PKD1: variants seen among roughly 807,000 people sequenced by gnomAD.
The protein encoded by PKD1 is polycystin 1, transient receptor potential channel interacting, also known as polycystin-1.
A neutral mutation model predicts 361.7 loss-of-function variants in PKD1; 81 were observed. That is an observed-to-expected ratio of 0.22 (90% CI 0.19 to 0.27). PKD1 has a LOEUF of 0.27. PKD1 is among the 10% of genes least tolerant of loss of function. PKD1 has a pLI of 1.00. For missense variants in PKD1, 6,399 were observed against 6,118.3 expected (o/e 1.05, Z -1.53); for synonymous variants, 3,615 against 2,818.3 (o/e 1.28, Z -8.95).
rs768613812 is a variant in PKD1 at position 2,116,608 on chromosome 16, G to A, written c.1643C>T (p.Ala548Val). The A allele has an allele frequency of 2.7e-5, 42 of 1,560,522 alleles. No individual in the cohort carries two copies. Among genetic ancestry groups the A allele is most frequent in the Non-Finnish European group, 3.3e-5 (38 of 1,157,374 alleles). The change falls in exon 8 of 46, where the codon GCG becomes GTG. Residue 548 changes from alanine (A) to valine (V), a missense_variant. Physicochemically the swap from Ala to Val is moderately conservative, Grantham distance 64. Coordinates refer to ENST00000262304, the MANE Select transcript of PKD1 (RefSeq NM_001009944.3). ...GGGTCCCTGCAGGTCCCCACTGGGC[G>A]CTCCCACGAGGAGGTTCTCGGCATC... ...VQDAENLLVG[A>V]PSGDLQGPLT...
At chr16:2,107,827 T>A in intron 16 of PKD1, 56 bp downstream of exon 16, 1 of 1,512,354 alleles carries the variant, frequency 6.6e-7, no homozygotes, top group Non-Finnish European at 8.9e-7. Flanking sequence ...AAACAGTAGA[T>A]GACCAGGGAG....
At position 2,091,912 on chromosome 16, in the gene PKD1, G is replaced by GGA; in HGVS notation, c.11412-8_11412-7dup. 6.2e-7 allele frequency: 1 copy of GGA among 1,611,582 alleles called. No individual in the cohort carries two copies. The highest frequency in any genetic ancestry group is 8.5e-7 in the Non-Finnish European group (1 of 1,179,612). On this transcript the variant is annotated splice_region_variant and splice_polypyrimidine_tract_variant and intron_variant, in intron 40 of 45. Transcript: ENST00000262304. ...AGGAGCCCCAGGACCATGCCCTGCC[G>GGA]GAGAGGGGTGGCGTGGGTGCCGCAC...
rs745543524 is a variant in PKD1 at position 2,113,306 on chromosome 16, G to A, written c.2854-14C>T. On this transcript the variant is annotated splice_polypyrimidine_tract_variant and intron_variant, in intron 11 of 45. Transcript: ENST00000262304. ...GGGGCTGTACCTCTGCGGGGGGAATGGTGTCAGCCTGGGCTCTGTGGAGGA... is the reference window on the plus strand; with the variant it reads ...GGGGCTGTACCTCTGCGGGGGGAATAGTGTCAGCCTGGGCTCTGTGGAGGA... The A allele has an allele frequency of 6.3e-6, 10 of 1,595,532 alleles. No homozygotes were observed. Among genetic ancestry groups the A allele is most frequent in the East Asian group, 2.2e-5 (1 of 44,860 alleles).
At chr16:2,097,805 T>A (rs1315237561) in intron 31 of PKD1, 25 bp from the exon 32 acceptor site, 3 of 1,611,246 alleles carry the variant, frequency 1.9e-6, no homozygotes, top group Non-Finnish European at 2.5e-6. Flanking sequence ...GTGTCTTGAG[T>A]CCAAGCTGCG....
At chr16:2,135,003 T>A (rs2092933669) in intron 1 of PKD1, 1 of 572,682 alleles carries the variant, frequency 1.7e-6, no homozygotes, top group Non-Finnish European at 2.2e-6. Flanking sequence ...GCTCACACCG[T>A]TCACCCCCCT....
At chr16:2,129,167 T>G (rs960601368) in intron 1 of PKD1, among the ~76,000 whole-genome samples, 68 of 151,118 alleles carry the variant, frequency 4.5e-4, no homozygotes, top group African/African-American at 1.3e-3. Flanking sequence ...ACCCTGTTTT[T>G]TTTTTTTTTT....
chr16:2,105,034 G>GC (rs2092287974), intron 21 of PKD1, among the ~76,000 whole-genome samples: 1 of 123,144 alleles, frequency 8.1e-6, no homozygotes, highest in East Asian at 2.5e-4. Context: ...GAGGGAAGGG[G>GC]GAGGGGAGGG....
chr16:2,106,343 T>C lies in PKD1; in HGVS notation c.7490-39A>G. On this transcript the variant is annotated intron_variant, in intron 18 of 45. Transcript: ENST00000262304. This position sits in a 1 kb window ranked among gnomAD's most constrained non-coding sequence, Gnocchi z 6.5. ...CCCACGGCATCACGGGAGGGCTCCG[T>C]GACGTCACAGAGTCGGGGGATCCCG... 1 of 1,605,312 alleles carries C rather than the reference T, an allele frequency of 6.2e-7. No homozygotes were observed. The highest frequency in any genetic ancestry group is 8.5e-7 in the Non-Finnish European group (1 of 1,176,574).
In PKD1 at chr16:2,105,979, C is replaced by A. The variant is rs780677280; in HGVS notation, c.7749G>T (p.Gly2583=). 3.7e-5 allele frequency: 60 copies of A among 1,602,168 alleles called. No homozygotes were observed. The highest frequency in any genetic ancestry group is 4.9e-5 in the Non-Finnish European group (58 of 1,179,662). ...TGAGCCCGTGCAGCCAGACTGTGAG[C>A]CCCGTTGCGCTGCCGTTGGGCTCTG... The part of the protein sequence containing the change: ...TLPEPNGSAT[G]LTVWLHGLTA... Residue 2583 remains glycine, a synonymous_variant, in exon 20 of 46, where the codon GGG becomes GGT. Transcript: ENST00000262304.
At position 2,107,681 on chromosome 16, in the gene PKD1, T is replaced by G; in HGVS notation, c.7065+202A>C. ...GTAGCTTTTGCCACTAGAGCATATG[T>G]GGCTTGAAGACTGTACGTGGAACTG... On this transcript the variant is annotated intron_variant, in intron 16 of 45. Transcript: ENST00000262304. 4.7e-6 allele frequency: 3 copies of G among 641,414 alleles called. No homozygotes were observed. The South Asian group carries it at 5.3e-5, about 11-fold the overall frequency. The allele number at this position is 641,414 out of a possible 1,614,324, so 39.7% of individuals were successfully genotyped here. A position where few individuals can be genotyped will look rare whatever the true frequency, so the allele number is the denominator to read the frequency against.
chr16:2,097,815 G>A lies in PKD1; in HGVS notation c.10168-35C>T, dbSNP rs371859150. The A allele has an allele frequency of 7.4e-6, 12 of 1,611,140 alleles. 1 individual carries two copies. The highest frequency in any genetic ancestry group is 4.5e-5 in the East Asian group (2 of 44,882). ...GCACAGTGTCTTGAGTCCAAGCTGC[G>A]CCAAGGCGGCAGGACCCCCAGCCCA... is the stretch of plus-strand genomic sequence containing the variant. On this transcript the variant is annotated intron_variant, in intron 31 of 45. Transcript: ENST00000262304.
intron 16 of PKD1, chr16:2,107,609 G>A (rs1172774359): frequency 3.7e-6 from 2 of 544,550 alleles, no homozygotes; most frequent in Non-Finnish European, 6.7e-6. Context: ...GCTACCTCTG[G>A]GGTGGGAAGG....
chr16:2,106,660 C>A lies in PKD1; in HGVS notation c.7227G>T (p.Thr2409=). The A allele has an allele frequency of 8.1e-6, 13 of 1,596,688 alleles. No individual in the cohort carries two copies. The highest frequency in any genetic ancestry group is 1.1e-5 in the Non-Finnish European group (13 of 1,178,926). ...GSKRGRWAAR[T]FSNKTLVLDE... ...CCAGCACCAGCGTCTTGTTGCTGAACGTACGTGCAGCCCACCGCTGCAGGC... is the reference window on the plus strand; with the variant it reads ...CCAGCACCAGCGTCTTGTTGCTGAAAGTACGTGCAGCCCACCGCTGCAGGC... The change falls in exon 18 of 46, where the codon ACG becomes ACT. Residue 2409 remains threonine, a synonymous_variant. Coordinates refer to ENST00000262304, the MANE Select transcript of PKD1 (RefSeq NM_001009944.3). The surrounding 1 kb of genome is among the most constrained non-coding windows in gnomAD (Gnocchi z 6.5).
In PKD1 at chr16:2,108,044, G is replaced by A. The variant is rs764365368; in HGVS notation, c.6916-12C>T. On this transcript the variant is annotated splice_polypyrimidine_tract_variant and intron_variant, in intron 15 of 45. Coordinates refer to ENST00000262304, the MANE Select transcript of PKD1 (RefSeq NM_001009944.3). ...CCGCCAGCCTCCCTCTGCAGGCCGAGAACAAGGGGCGACGTGGCCTGAGAG... is the reference window on the plus strand; with the variant it reads ...CCGCCAGCCTCCCTCTGCAGGCCGAAAACAAGGGGCGACGTGGCCTGAGAG... The A allele has an allele frequency of 6.4e-7, 1 of 1,566,272 alleles. No homozygotes were observed.
intron 26 of PKD1, among the ~76,000 whole-genome samples, chr16:2,101,756 C>T (rs769213822): frequency 7.2e-5 from 11 of 152,268 alleles, no homozygotes; most frequent in Non-Finnish European, 1.3e-4. Flanking sequence ...GTCAGGATCG[C>T]GGGTGGATGC....
At chr16:2,105,799 G>C (rs1886251854) in intron 20 of PKD1, 66 bp downstream of exon 20, 4 of 1,505,416 alleles carry the variant, frequency 2.7e-6, no homozygotes, top group Non-Finnish European at 3.6e-6. Context: ...CTCCAGGCAG[G>C]GGTACAGGTC....
chr16:2,090,969 C>G lies in PKD1; in HGVS notation c.11918G>C (p.Arg3973Pro). Reference sequence around the variant, plus strand: ...CGCCACCTGGTCGAAGCTAGTGAAGCGGCGCGGGCGGCCGCGCACGAAACG... The same window carrying G: ...CGCCACCTGGTCGAAGCTAGTGAAGGGGCGCGGGCGGCCGCGCACGAAACG... ...WTRFVRGRPR[R>P]FTSFDQVAQL... Residue 3973 changes from arginine to proline, a missense_variant, in exon 43 of 46, where the codon CGC (arginine) becomes CCC (proline). Coordinates refer to ENST00000262304, the MANE Select transcript of PKD1 (RefSeq NM_001009944.3). The G allele has an allele frequency of 2.6e-6, 4 of 1,542,922 alleles. No individual in the cohort carries two copies. Among genetic ancestry groups the G allele is most frequent in the Non-Finnish European group, 3.5e-6 (4 of 1,150,446 alleles).
At position 2,090,511 on chromosome 16, in the gene PKD1, G is replaced by A. The variant is rs150724260; in HGVS notation, c.12218C>T (p.Thr4073Ile). 46 of 1,611,192 alleles carry A rather than the reference G, an allele frequency of 2.9e-5. No individual in the cohort carries two copies. The highest frequency in any genetic ancestry group is 8.8e-5 in the South Asian group (8 of 90,996). ...LVLCPGTGLS[T>I]LCPAESWHLS... is the part of the protein sequence containing the mutation. ...GTGCCAGGACTCGGCAGGACACAGG[G>A]TAGAGAGCCCAGTCCCAGGGCACAG... The change falls in exon 45 of 46, where the codon ACC becomes ATC. Residue 4073 changes from threonine to isoleucine, a missense_variant. By Grantham distance (89) the Thr-to-Ile change is moderately conservative. Transcript: ENST00000262304.
chr16:2,092,108 C>G lies in PKD1; in HGVS notation c.11350G>C (p.Gly3784Arg). ...GAGCCATTGTGAGGACTCTCCCAGC[C>G]AACGTCGTAATCGCTGGTGCTGAAG... ...GGFSTSDYDVGWESPHNGSGT... is the reference protein window; with the variant it reads ...GGFSTSDYDVRWESPHNGSGT... The change falls in exon 40 of 46, where the codon GGC (glycine) becomes CGC (arginine). Residue 3784 changes from glycine (G) to arginine (R), a missense_variant. Physicochemically the swap from Gly to Arg is moderately radical, Grantham distance 125. Coordinates refer to ENST00000262304, the MANE Select transcript of PKD1 (RefSeq NM_001009944.3). The G allele has an allele frequency of 6.2e-7, 1 of 1,612,918 alleles. No homozygotes were observed. Among genetic ancestry groups the G allele is most frequent in the Non-Finnish European group, 8.5e-7 (1 of 1,180,004 alleles).
Sources: gnomAD v4.1 joint callset for allele counts (sites outside exome capture counted in the v4.1 genomes callset) on GRCh38, gnomAD v4.1.1 for gene constraint, Gnocchi (gnomAD v3.1) non-coding constraint, MANE v1.5 for transcripts, NCBI Gene and HGNC (gene_info 2026-07-23, HGNC 2026-07-21) for gene names.